The following PLPP1 variants were observed in gnomAD, a reference collection of about 807,000 sequenced individuals.
The protein encoded by PLPP1 is lipid phosphate phosphohydrolase 1a.
In PLPP1, 24 loss-of-function variants were observed where a neutral mutation model predicts 31.2. The ratio of observed to expected loss-of-function variants is 0.77; its 90% CI spans 0.56 to 1.08. The LOEUF is 1.08. PLPP1 is among the 50% of genes least tolerant of loss of function. The pLI, the probability that PLPP1 is intolerant of heterozygous loss-of-function variation, is 0.00. For synonymous variants in PLPP1, 146 were observed against 126.3 expected, an observed-to-expected ratio of 1.16 and a Z score of -1.05; for missense variants, 319 against 342.7, an observed-to-expected ratio of 0.93 and a Z score of 0.55.
rs1009408161 is a variant in PLPP1, at chr5:55,505,450, A to AG, written c.58+29121_58+29122insC. ...TCTCTACACATCTATACACACGCAA[A>AG]AAAAAAAACAAATAGCAGAGGTTTA... On this transcript the variant is annotated intron_variant, in intron 1 of 5. Transcript: ENST00000307259. Among the ~76,000 whole-genome samples the AG allele has an allele frequency of 1.1e-4, 16 of 151,288 alleles. 1 individual carries two copies. Among genetic ancestry groups the AG allele is most frequent in the African/African-American group, 3.6e-4 (15 of 41,210 alleles).
chr5:55,462,746 G>A (rs1213752923), intron 3 of PLPP1, among the ~76,000 whole-genome samples: 5 of 152,094 alleles, frequency 3.3e-5, no homozygotes, highest in African/African-American at 9.7e-5. Context: ...GGCCAAGGTG[G>A]GCGGATCACG....
chr5:55,485,908 C>T (rs1311603790), intron 1 of PLPP1, among the ~76,000 whole-genome samples: 1 of 152,114 alleles, frequency 6.6e-6, no homozygotes, highest in African/African-American at 2.4e-5. Flanking sequence ...ATAAAAAGTA[C>T]TGTAATCAGC....
In PLPP1 at chr5:55,443,214, C is replaced by CAT. The variant is rs1452745043; in HGVS notation, c.492-1307_492-1306insAT. Among the ~76,000 whole-genome samples, 8 of 68,838 alleles carry CAT rather than the reference C, an allele frequency of 1.2e-4. No homozygotes were observed. The South Asian group carries it at 1.9e-3, about 17-fold the overall frequency. 45.2% of individuals were successfully genotyped at this position (68,838 alleles called of 152,430 possible). A position where few individuals can be genotyped will look rare whatever the true frequency, so the allele number is the denominator to read the frequency against. On this transcript the variant is annotated intron_variant, in intron 3 of 5. Coordinates refer to ENST00000307259, the MANE Select transcript of PLPP1 (RefSeq NM_003711.4). The stretch of plus-strand genomic sequence containing the variant: ...AAAAATATATATATATATATATATA[C>CAT]ACACACACACACACACACACATATA...
chr5:55,534,724 C>G lies in PLPP1; in HGVS notation c.-95G>C. On this transcript the variant is annotated 5_prime_UTR_variant, in exon 1 of 6. Coordinates refer to ENST00000307259, the MANE Select transcript of PLPP1 (RefSeq NM_003711.4). ...CTCGAGCCCGGGCCGGGGCTGGCGACGGCCCCGAGCTACGGCCCCTCCCAG... is the reference window on the plus strand; with the variant it reads ...CTCGAGCCCGGGCCGGGGCTGGCGAGGGCCCCGAGCTACGGCCCCTCCCAG... 1 of 1,300,372 alleles carries G rather than the reference C, an allele frequency of 7.7e-7. No homozygotes were observed. The allele number at this position is 1,300,372 out of a possible 1,614,324, so 80.6% of individuals were successfully genotyped here.
intron 1 of PLPP1, among the ~76,000 whole-genome samples, chr5:55,524,893 G>A (rs1753748430): frequency 6.6e-6 from 1 of 152,104 alleles, no homozygotes; most frequent in Non-Finnish European, 1.5e-5. Context: ...CAATAAAAAG[G>A]TGACTAGAGT....
intron 4 of PLPP1, among the ~76,000 whole-genome samples, chr5:55,431,485 T>C (rs1579916562): frequency 6.6e-6 from 1 of 152,082 alleles, no homozygotes; most frequent in South Asian, 2.1e-4. Flanking sequence ...ACTTGGGAAA[T>C]TGTACAAATG....
intron 1 of PLPP1, among the ~76,000 whole-genome samples, chr5:55,527,346 T>C (rs1224091535): frequency 1.3e-5 from 2 of 152,196 alleles, no homozygotes; most frequent in Non-Finnish European, 2.9e-5. Flanking sequence ...CCATCTAGCA[T>C]TGGTTGCAAA....
chr5:55,471,657 T>C (rs906122476), intron 2 of PLPP1, among the ~76,000 whole-genome samples: 11 of 152,220 alleles, frequency 7.2e-5, no homozygotes, highest in African/African-American at 2.7e-4. Flanking sequence ...ACTCATTTAT[T>C]AATCAATCAT....
intron 3 of PLPP1, among the ~76,000 whole-genome samples, chr5:55,460,143 G>A (rs1473195240): frequency 6.6e-6 from 1 of 151,754 alleles, no homozygotes; most frequent in Admixed American, 6.6e-5. Context: ...TGACTGCACA[G>A]GGGGTCAGCG....
At position 55,502,419 on chromosome 5, in the gene PLPP1, G is replaced by A. The variant is rs1294268757; in HGVS notation, c.59-26969C>T. Among the ~76,000 whole-genome samples the A allele has an allele frequency of 3.9e-5, 6 of 152,000 alleles. No individual in the cohort carries two copies. In the East Asian group the frequency reaches 1.2e-3, roughly 29 times the overall value. On this transcript the variant is annotated intron_variant, in intron 1 of 5. Transcript: ENST00000307259. ...GGAGAATCACCTGAACCCAGGAGGT[G>A]GAGGTTGCAGTGAGCCGAGATCGTG...
At chr5:55,523,482 T>C (rs1753717351) in intron 1 of PLPP1, among the ~76,000 whole-genome samples, 1 of 152,140 alleles carries the variant, frequency 6.6e-6, no homozygotes, top group Non-Finnish European at 1.5e-5. Flanking sequence ...GTTAGCCAGG[T>C]TGCCTTGGGT....
intron 1 of PLPP1, among the ~76,000 whole-genome samples, chr5:55,512,507 AAAAG>A (rs1561253120): frequency 5.7e-3 from 77 of 13,498 alleles, no homozygotes; most frequent in South Asian, 0.021. Flanking sequence ...AAAAGAAAAG[AAAAG>A]AAAAGAAAGA....
chr5:55,508,724 G>A (rs183588032), intron 1 of PLPP1: 34 of 153,984 alleles, frequency 2.2e-4, no homozygotes, highest in African/African-American at 8.2e-4. Context: ...ACTTTTAGCT[G>A]AGGTATCATA....
intron 1 of PLPP1, among the ~76,000 whole-genome samples, chr5:55,507,333 A>G (rs901585578): frequency 6.6e-6 from 1 of 152,228 alleles, no homozygotes; most frequent in African/African-American, 2.4e-5. Context: ...CTGAAGATGA[A>G]TATCTGGAAT....
intron 4 of PLPP1, among the ~76,000 whole-genome samples, chr5:55,426,839 T>TAACA (rs1210987333): frequency 2.0e-5 from 3 of 152,174 alleles, no homozygotes; most frequent in African/African-American, 7.2e-5. Flanking sequence ...TCAAATTGTT[T>TAACA]AACAAGGCAA....
At chr5:55,513,615 T>C (rs1046152335) in intron 1 of PLPP1, among the ~76,000 whole-genome samples, 23 of 152,130 alleles carry the variant, frequency 1.5e-4, no homozygotes, top group African/African-American at 5.6e-4. Context: ...AATGCTCTTA[T>C]AAAAATTCTA....
chr5:55,510,802 G>C (rs1753388682), intron 1 of PLPP1, among the ~76,000 whole-genome samples: 1 of 152,140 alleles, frequency 6.6e-6, no homozygotes, highest in South Asian at 2.1e-4. Flanking sequence ...GTGGGAGCTT[G>C]GGCAAATTAC....
intron 1 of PLPP1, among the ~76,000 whole-genome samples, chr5:55,533,588 T>G (rs1162579376): frequency 6.6e-6 from 1 of 152,138 alleles, no homozygotes; most frequent in East Asian, 1.9e-4. Context: ...TCCATCCAGG[T>G]GGCTAAAGCC....
chr5:55,534,033 T>C (rs1740782392), intron 1 of PLPP1, among the ~76,000 whole-genome samples: 1 of 152,182 alleles, frequency 6.6e-6, no homozygotes, highest in Admixed American at 6.5e-5. Flanking sequence ...TTTAGACCTA[T>C]ACGCAAAAAC....
Sources: gnomAD v4.1 joint callset for allele counts (sites outside exome capture counted in the v4.1 genomes callset) on GRCh38, gnomAD v4.1.1 for gene constraint, MANE v1.5 for transcripts, NCBI Gene and HGNC (gene_info 2026-07-23, HGNC 2026-07-21) for gene names.